Variants in RERE observed in about 807,000 individuals in gnomAD.
The protein encoded by RERE is arginine-glutamic acid dipeptide repeats protein.
A neutral mutation model predicts 146.1 loss-of-function variants in RERE; 40 were observed. The observed-to-expected ratio is 0.27, with a 90% CI of 0.21 to 0.36. RERE has a LOEUF of 0.36. RERE is among the 10% of genes least tolerant of loss of function. The probability of loss-of-function intolerance (pLI) is 1.00; values close to 1 mark genes in which losing one functional copy is unlikely to be tolerated. For missense variants in RERE, 1,933 were observed against 2,138.7 expected (o/e 0.90, Z 1.90); for synonymous variants, 1,003 against 866.0 (o/e 1.16, Z -2.78).
intron 1 of RERE, among the ~76,000 whole-genome samples, chr1:8,735,351 C>A (rs536315865): frequency 4.6e-5 from 7 of 152,184 alleles, no homozygotes; most frequent in Non-Finnish European, 8.8e-5. Flanking sequence ...CTACCCCACA[C>A]CCCCAGTCAT....
chr1:8,727,152 G>C (rs1001575017), intron 1 of RERE, among the ~76,000 whole-genome samples: 3 of 149,388 alleles, frequency 2.0e-5, no homozygotes, highest in Admixed American at 2.0e-4. Context: ...TGGAGGGCGC[G>C]GGGTGGGGGG....
intron 11 of RERE, among the ~76,000 whole-genome samples, chr1:8,436,346 T>C (rs1468560315): frequency 6.6e-6 from 1 of 151,968 alleles, no homozygotes; most frequent in African/African-American, 2.4e-5. Flanking sequence ...ATAAATAAAA[T>C]AACCCAACAC....
At chr1:8,494,106 A>T (rs1214016565) in intron 10 of RERE, among the ~76,000 whole-genome samples, 1 of 152,248 alleles carries the variant, frequency 6.6e-6, no homozygotes, top group Non-Finnish European at 1.5e-5. Context: ...AAAGTAGATG[A>T]GTAATTATGA....
intron 2 of RERE, among the ~76,000 whole-genome samples, chr1:8,624,671 G>A (rs558743489): frequency 6.6e-6 from 1 of 152,272 alleles, no homozygotes; most frequent in Admixed American, 6.5e-5. Flanking sequence ...TCCATATTCA[G>A]ATGAAGACAT....
At chr1:8,695,660 C>T (rs927095138) in intron 1 of RERE, among the ~76,000 whole-genome samples, 2 of 146,704 alleles carry the variant, frequency 1.4e-5, no homozygotes, top group Admixed American at 6.9e-5. Flanking sequence ...ACTTGGGAGG[C>T]TGAGGCAGAG....
chr1:8,816,822 TAC>T (rs1003457989), intron 1 of RERE, among the ~76,000 whole-genome samples: 3 of 152,134 alleles, frequency 2.0e-5, no homozygotes, highest in African/African-American at 4.8e-5. Flanking sequence ...TCAAGAAATT[TAC>T]AGTTTCAGTC....
At chr1:8,474,171 C>T (rs892387318) in intron 10 of RERE, among the ~76,000 whole-genome samples, 1 of 152,148 alleles carries the variant, frequency 6.6e-6, no homozygotes, top group African/African-American at 2.4e-5. Context: ...TAATGACTGC[C>T]TACAGTTTAA....
At chr1:8,616,999 G>A (rs1278776539) in intron 3 of RERE, among the ~76,000 whole-genome samples, 1 of 152,116 alleles carries the variant, frequency 6.6e-6, no homozygotes, top group Admixed American at 6.6e-5. Flanking sequence ...TGGCGGGAGG[G>A]GAGTATAGAT....
At chr1:8,775,479 G>A (rs531148924) in intron 1 of RERE, among the ~76,000 whole-genome samples, 2 of 152,276 alleles carry the variant, frequency 1.3e-5, no homozygotes, top group African/African-American at 4.8e-5. Flanking sequence ...AGCTACTCAG[G>A]AGGCTGAAAT....
At chr1:8,810,875 G>A (rs949367863) in intron 1 of RERE, among the ~76,000 whole-genome samples, 5 of 152,042 alleles carry the variant, frequency 3.3e-5, no homozygotes, top group East Asian at 3.9e-4. Flanking sequence ...AATACAGTTC[G>A]GGAAACACTG....
At chr1:8,778,569 G>A (rs1440615785) in intron 1 of RERE, among the ~76,000 whole-genome samples, 1 of 152,168 alleles carries the variant, frequency 6.6e-6, no homozygotes, top group Non-Finnish European at 1.5e-5. Flanking sequence ...GGGAGTGGTG[G>A]CTCATAACTG....
At chr1:8,612,383 G>A (rs1003202156) in intron 4 of RERE, among the ~76,000 whole-genome samples, 2 of 152,114 alleles carry the variant, frequency 1.3e-5, no homozygotes, top group Admixed American at 1.3e-4. Context: ...GCAGCACAAA[G>A]CATCATTAAA....
chr1:8,651,904 C>T (rs1172510544), intron 2 of RERE, among the ~76,000 whole-genome samples: 3 of 152,072 alleles, frequency 2.0e-5, no homozygotes, highest in Non-Finnish European at 2.9e-5. Flanking sequence ...CAGCCTTAAA[C>T]TCCTGGCCTC....
chr1:8,361,083 G>C lies in RERE; in HGVS notation c.2424C>G (p.Pro808=). Reference sequence around the variant, plus strand: ...GGGGATGCGGTGAGGGCGGCCGCTGGGGGTGCAAGGCCGGTGCCTGTTGGA... The same window carrying C: ...GGGGATGCGGTGAGGGCGGCCGCTGCGGGTGCAAGGCCGGTGCCTGTTGGA... ...THIQQAPALH[P]QRPPSPHPPP... The change falls in exon 18 of 23, where the codon CCC becomes CCG. Residue 808 remains proline (P), a synonymous_variant. Coordinates refer to ENST00000400908, the MANE Select transcript of RERE (RefSeq NM_001042681.2). The C allele has an allele frequency of 1.4e-6, 2 of 1,439,924 alleles. No individual in the cohort carries two copies. The highest frequency in any genetic ancestry group is 1.8e-6 in the Non-Finnish European group (2 of 1,101,312). 89.2% of individuals were successfully genotyped at this position (1,439,924 alleles called of 1,614,324 possible). A position where few individuals can be genotyped will look rare whatever the true frequency, so the allele number is the denominator to read the frequency against.
At chr1:8,363,960 A>C in intron 15 of RERE, 96 bp downstream of exon 15, 1 of 1,159,942 alleles carries the variant, frequency 8.6e-7, no homozygotes. Context: ...TCTGGTAAAC[A>C]AGACTTTCGC....
At chr1:8,449,136 T>C (rs891642930) in intron 11 of RERE, among the ~76,000 whole-genome samples, 5 of 152,186 alleles carry the variant, frequency 3.3e-5, no homozygotes, top group South Asian at 4.1e-4. Flanking sequence ...CAGTCAAGAA[T>C]GGCTAACGGC....
chr1:8,424,118 C>G (rs1342779587), intron 11 of RERE: 3 of 152,280 alleles, frequency 2.0e-5, no homozygotes, highest in Non-Finnish European at 4.4e-5. Flanking sequence ...GCGCCCCGGC[C>G]GCACGCCCTC....
chr1:8,461,917 T>G (rs1644532171), intron 11 of RERE, among the ~76,000 whole-genome samples: 1 of 152,158 alleles, frequency 6.6e-6, no homozygotes, highest in Non-Finnish European at 1.5e-5. Context: ...TGATCACGGC[T>G]CACTGCAGCC....
intron 4 of RERE, among the ~76,000 whole-genome samples, chr1:8,611,062 GAAT>G (rs1646787317): frequency 6.6e-6 from 1 of 152,040 alleles, no homozygotes; most frequent in Admixed American, 6.5e-5. Context: ...AGGTGTGGTG[GAAT>G]GCACCTGTAG....
Sources: gnomAD v4.1 joint callset for allele counts (sites outside exome capture counted in the v4.1 genomes callset) on GRCh38, gnomAD v4.1.1 for gene constraint, MANE v1.5 for transcripts, NCBI Gene and HGNC (gene_info 2026-07-23, HGNC 2026-07-21) for gene names.